Variants in DMD observed in about 807,000 individuals in gnomAD.
DMD encodes dystrophin.
Under a neutral mutation model 330.1 loss-of-function variants are expected in DMD, and 63 were observed. The observed-to-expected ratio is 0.19, with a 90% CI of 0.16 to 0.24. The LOEUF is 0.24. DMD is among the 10% of genes least tolerant of loss of function. The probability of loss-of-function intolerance (pLI) is 1.00; values close to 1 mark genes in which losing one functional copy is unlikely to be tolerated. For missense variants in DMD, 3,344 were observed against 2,684.1 expected, an observed-to-expected ratio of 1.25 and a Z score of -5.43; for synonymous variants, 1,223 against 959.8, an observed-to-expected ratio of 1.27 and a Z score of -5.07.
intron 44 of DMD, among the ~76,000 whole-genome samples, chrX:32,186,513 AT>A (rs984096969): frequency 6.3e-5 from 7 of 111,859 alleles, no homozygotes; most frequent in African/African-American, 2.3e-4. Context: ...CCTGAAAATG[AT>A]TTAATTTGTA....
intron 47 of DMD, among the ~76,000 whole-genome samples, chrX:31,901,732 C>G (rs1337259130): frequency 1.8e-5 from 2 of 111,071 alleles, no homozygotes. Context: ...TGGATATGCC[C>G]TCTATTATAT....
In DMD at chrX:32,911,255, A is replaced by G. The variant is rs757365787; in HGVS notation, c.94-61435T>C. 5.3e-5 allele frequency among the ~76,000 whole-genome samples: 6 copies of G among 112,174 alleles called. No individual in the cohort carries two copies. The South Asian group carries it at 2.2e-3, about 41-fold the overall frequency. On this transcript the variant is annotated intron_variant, in intron 2 of 78. Transcript: ENST00000357033. The stretch of plus-strand genomic sequence containing the variant: ...GTAATGTACCACAGTCATTGATCTT[A>G]TGAATGATGGTGAAACTGGCGGTGG...
intron 45 of DMD, among the ~76,000 whole-genome samples, chrX:31,944,217 CCT>C (rs2095051281): frequency 9.8e-6 from 1 of 102,068 alleles, no homozygotes; most frequent in South Asian, 4.0e-4. Flanking sequence ...TTGACTTTTT[CCT>C]CTCTCATTCT....
intron 55 of DMD, among the ~76,000 whole-genome samples, chrX:31,604,617 G>T (rs1205447124): frequency 8.9e-6 from 1 of 111,906 alleles, no homozygotes; most frequent in African/African-American, 3.2e-5. Context: ...TACCAAACAG[G>T]TATATGAATT....
intron 2 of DMD, among the ~76,000 whole-genome samples, chrX:32,944,804 C>T (rs1040664373): frequency 4.8e-4 from 53 of 109,780 alleles, no homozygotes; most frequent in African/African-American, 1.6e-3. Flanking sequence ...CTGGGTTTCA[C>T]GATGTTGGTT....
intron 4 of DMD, among the ~76,000 whole-genome samples, chrX:32,836,479 T>C (rs1404039807): frequency 1.8e-5 from 2 of 111,917 alleles, no homozygotes; most frequent in Non-Finnish European, 3.8e-5. Flanking sequence ...ATTCATAAGA[T>C]ATTAATCTAT....
chrX:32,452,972 T>C (rs766590890), intron 26 of DMD, among the ~76,000 whole-genome samples: 2 of 110,919 alleles, frequency 1.8e-5, no homozygotes, highest in Non-Finnish European at 3.8e-5. Flanking sequence ...TCCATAAAGA[T>C]TTTTTTAAGT....
chrX:33,047,434 T>G (rs2094398090), intron 1 of DMD, among the ~76,000 whole-genome samples: 1 of 111,721 alleles, frequency 9.0e-6, no homozygotes. Context: ...GGTCACACAT[T>G]TAAATATGGC....
chrX:32,092,724 CTTTTTTTT>C (rs11315047), intron 44 of DMD, among the ~76,000 whole-genome samples: 28 of 39,785 alleles, frequency 7.0e-4, no homozygotes, highest in African/African-American at 1.4e-3. Flanking sequence ...GTTATTTTCA[CTTTTTTTT>C]TTTTTTTTTT....
At chrX:31,532,007 G>C (rs1432387334) in intron 55 of DMD, among the ~76,000 whole-genome samples, 11 of 84,431 alleles carry the variant, frequency 1.3e-4, no homozygotes, top group South Asian at 6.7e-4. Flanking sequence ...ATCTACGTCT[G>C]ATTGGTGTAC....
intron 11 of DMD, among the ~76,000 whole-genome samples, chrX:32,640,026 A>T (rs1037919476): frequency 9.1e-6 from 1 of 109,833 alleles, no homozygotes; most frequent in Non-Finnish European, 1.9e-5. Flanking sequence ...ACATAACAAG[A>T]CCTCATTCCC....
At chrX:31,205,424 T>TA (rs1045686725) in intron 66 of DMD, among the ~76,000 whole-genome samples, 1 of 112,161 alleles carries the variant, frequency 8.9e-6, no homozygotes, top group Non-Finnish European at 1.9e-5. Flanking sequence ...TTCACCAACC[T>TA]AAAAACATGT....
chrX:31,923,786 C>G (rs781235948), intron 47 of DMD, among the ~76,000 whole-genome samples: 1 of 110,604 alleles, frequency 9.0e-6, no homozygotes, highest in Admixed American at 9.7e-5. Context: ...TTAATAGAGA[C>G]GGAGTTTTGC....
At chrX:31,843,512 C>T (rs1179663451) in intron 48 of DMD, among the ~76,000 whole-genome samples, 1 of 111,899 alleles carries the variant, frequency 8.9e-6, no homozygotes, top group East Asian at 2.8e-4. Flanking sequence ...CGTTTGTCTT[C>T]TTTTGAGAAG....
intron 44 of DMD, among the ~76,000 whole-genome samples, chrX:31,974,909 T>C (rs1452128434): frequency 1.8e-5 from 2 of 109,846 alleles, no homozygotes; most frequent in Non-Finnish European, 3.8e-5. Context: ...TATATATATA[T>C]ATATAGATTT....
intron 16 of DMD, among the ~76,000 whole-genome samples, chrX:32,560,895 A>G (rs2050925060): frequency 8.9e-6 from 1 of 112,023 alleles, no homozygotes; most frequent in Non-Finnish European, 1.9e-5. Flanking sequence ...TGCTGCAATT[A>G]ACATACAAAT....
At chrX:32,545,111 T>A in intron 17 of DMD, 48 bp downstream of exon 17, 1 of 1,153,278 alleles carries the variant, frequency 8.7e-7, no homozygotes, top group Non-Finnish European at 1.2e-6. Context: ...CTGCTGTAAA[T>A]GAGTTTTCTC....
At chrX:32,718,287 T>G (rs1446400406) in intron 7 of DMD, among the ~76,000 whole-genome samples, 1 of 111,178 alleles carries the variant, frequency 9.0e-6, no homozygotes, top group South Asian at 3.8e-4. Context: ...TCCCTCTTAC[T>G]GTTCCAATGA....
intron 9 of DMD, among the ~76,000 whole-genome samples, chrX:32,665,924 G>T (rs755992469): frequency 1.8e-5 from 2 of 111,661 alleles, no homozygotes; most frequent in African/African-American, 6.5e-5. Context: ...TGTGGAGAAT[G>T]ATCTATGGAA....
Sources: allele counts gnomAD v4.1 joint callset (sites outside exome capture counted in the v4.1 genomes callset), GRCh38; gene constraint gnomAD v4.1.1; transcripts MANE v1.5; gene names NCBI Gene and HGNC (gene_info 2026-07-23, HGNC 2026-07-21).